Variants in LARGE1 observed in about 807,000 individuals in gnomAD.
The protein encoded by LARGE1 is LARGE xylosyl- and glucuronyltransferase 1, also known as xylosyl- and glucuronyltransferase LARGE1.
In LARGE1, 43 loss-of-function variants were observed where a neutral mutation model predicts 87.6. The ratio of observed to expected loss-of-function variants is 0.49; its 90% CI spans 0.38 to 0.63. The LOEUF (loss-of-function observed/expected upper bound fraction) is 0.63, where lower values mean the gene tolerates loss of function less well. Ranked by LOEUF, LARGE1 falls within the 30% of genes least tolerant of loss-of-function variation. The probability of loss-of-function intolerance (pLI) is 0.00; values close to 1 mark genes in which losing one functional copy is unlikely to be tolerated. For missense variants in LARGE1, 802 were observed against 1,000.2 expected (o/e 0.80, Z 2.67); for synonymous variants, 434 against 394.6 (o/e 1.10, Z -1.18).
chr22:33,800,003 C>G (rs537465203), intron 1 of LARGE1, among the ~76,000 whole-genome samples: 1 of 152,296 alleles, frequency 6.6e-6, no homozygotes, highest in African/African-American at 2.4e-5. Flanking sequence ...GTCCCACGCA[C>G]TTATGGCTTG....
At chr22:33,660,797 G>T (rs1415640875) in intron 2 of LARGE1, among the ~76,000 whole-genome samples, 1 of 152,116 alleles carries the variant, frequency 6.6e-6, no homozygotes, top group Admixed American at 6.5e-5. Context: ...AAATACTATA[G>T]AATTTCTTAA....
In LARGE1 at chr22:33,638,139, A is replaced by G. The variant is rs1443788408; in HGVS notation, c.409-11813T>C. On this transcript the variant is annotated intron_variant, in intron 3 of 14. Transcript: ENST00000397394. Reference sequence around the variant, plus strand: ...GCTATGATAGTATCCTCCAACAGCAATGTGGGATATGGAAAGATAGCTGGC... The same window carrying G: ...GCTATGATAGTATCCTCCAACAGCAGTGTGGGATATGGAAAGATAGCTGGC... Among the ~76,000 whole-genome samples, 4 of 152,338 alleles carry G rather than the reference A, an allele frequency of 2.6e-5. No individual in the cohort carries two copies. In the East Asian group the frequency reaches 7.7e-4, roughly 29 times the overall value.
intron 2 of LARGE1, among the ~76,000 whole-genome samples, chr22:33,695,962 C>T (rs1036195777): frequency 1.8e-4 from 27 of 152,272 alleles, no homozygotes; most frequent in African/African-American, 4.6e-4. Context: ...TCCCCAAACT[C>T]GATCTATTAG....
intron 11 of LARGE1, among the ~76,000 whole-genome samples, chr22:33,304,914 G>C (rs1934665409): frequency 6.6e-6 from 1 of 152,164 alleles, no homozygotes; most frequent in Admixed American, 6.5e-5. Context: ...CACAAACTTA[G>C]AGGCTGCTAA....
intron 3 of LARGE1, among the ~76,000 whole-genome samples, chr22:33,647,587 A>G (rs1027986777): frequency 6.6e-6 from 1 of 152,212 alleles, no homozygotes; most frequent in Non-Finnish European, 1.5e-5. Context: ...GATGGCCTCC[A>G]GACATCTTAA....
the LARGE1 span, among the ~76,000 whole-genome samples, chr22:33,089,371 C>CTTCTTCTTATCCTTCTT: frequency 1.3e-5 from 1 of 76,048 alleles, no homozygotes; most frequent in Non-Finnish European, 2.6e-5. Context: ...TTCTTCTTCT[C>CTTCTTCTTATCCTTCTT]CTTCTTCTTC....
At chr22:33,156,289 G>A in the LARGE1 span, among the ~76,000 whole-genome samples, 1 of 152,120 alleles carries the variant, frequency 6.6e-6, no homozygotes. Context: ...AAAAACCACA[G>A]ACACTCAACA....
chr22:33,075,220 G>A, the LARGE1 span, among the ~76,000 whole-genome samples: 1 of 152,128 alleles, frequency 6.6e-6, no homozygotes, highest in Admixed American at 6.6e-5. Flanking sequence ...TGGTAGGGAG[G>A]GAGATATGGT....
At position 33,274,591 on chromosome 22, in the gene LARGE1, T is replaced by G; in HGVS notation, c.2107A>C (p.Met703Leu). The G allele has an allele frequency of 6.2e-7, 1 of 1,614,080 alleles. No homozygotes were observed. Among genetic ancestry groups the G allele is most frequent in the Non-Finnish European group, 8.5e-7 (1 of 1,180,010 alleles). ...CTGGGGGCATGAGGCATGTGGATCA[T>G]GTAGGCGTTGGGCAGCACAATGAAC... ...YEFIVLPNAYMIHMPHAPSFD... is the reference protein window; with the variant it reads ...YEFIVLPNAYLIHMPHAPSFD... The change falls in exon 15 of 15, where the codon ATG (methionine) becomes CTG (leucine). Residue 703 changes from methionine (M) to leucine (L), a missense_variant. This residue lies in a region of LARGE1 where 625 missense variants were observed against 841.9 expected (regional missense o/e 0.74). Coordinates refer to ENST00000397394, the MANE Select transcript of LARGE1 (RefSeq NM_133642.5).
intron 2 of LARGE1, among the ~76,000 whole-genome samples, chr22:33,716,218 TATG>T (rs2082902800): frequency 6.6e-6 from 1 of 152,202 alleles, no homozygotes; most frequent in Non-Finnish European, 1.5e-5. Flanking sequence ...GATTTGAATT[TATG>T]ATAATAAATT....
At chr22:33,395,777 T>C (rs1433578346) in intron 7 of LARGE1, among the ~76,000 whole-genome samples, 1 of 152,140 alleles carries the variant, frequency 6.6e-6, no homozygotes, top group Non-Finnish European at 1.5e-5. Context: ...CTTCTCACAG[T>C]GTATGATGTA....
chr22:33,078,207 A>G, the LARGE1 span, among the ~76,000 whole-genome samples: 6 of 152,202 alleles, frequency 3.9e-5, no homozygotes, highest in Admixed American at 3.9e-4. Context: ...TACATTAACT[A>G]GAGTCCTGCA....
chr22:33,639,289 G>C (rs948446624), intron 3 of LARGE1, among the ~76,000 whole-genome samples: 2 of 152,116 alleles, frequency 1.3e-5, no homozygotes, highest in Non-Finnish European at 2.9e-5. Flanking sequence ...TACTGTTCCA[G>C]CTCCAGCCAC....
intron 2 of LARGE1, among the ~76,000 whole-genome samples, chr22:33,745,867 G>C (rs1351173010): frequency 6.6e-6 from 1 of 152,122 alleles, no homozygotes. Flanking sequence ...TTCACACATA[G>C]GGAGAGGACC....
chr22:33,193,029 TTTTA>T (rs1215912792), intron 11 of LARGE1, among the ~76,000 whole-genome samples: 2 of 152,164 alleles, frequency 1.3e-5, no homozygotes, highest in Non-Finnish European at 2.9e-5. Flanking sequence ...CTACTTTTCA[TTTTA>T]TTTGTTTTTA....
chr22:33,796,579 G>A (rs987584659), intron 1 of LARGE1, among the ~76,000 whole-genome samples: 14 of 152,058 alleles, frequency 9.2e-5, no homozygotes, highest in Non-Finnish European at 1.2e-4. Flanking sequence ...AAGGACATGG[G>A]TCAGAAACAT....
intron 7 of LARGE1, among the ~76,000 whole-genome samples, chr22:33,429,168 T>C (rs2066993318): frequency 6.6e-6 from 1 of 152,122 alleles, no homozygotes. Context: ...AGGGTCGTCC[T>C]CAGTTTCCAT....
At chr22:33,795,784 G>A (rs2085959615) in intron 1 of LARGE1, among the ~76,000 whole-genome samples, 1 of 152,014 alleles carries the variant, frequency 6.6e-6, no homozygotes, top group African/African-American at 2.4e-5. Context: ...TCACTCATAG[G>A]TGGGAATTGA....
the LARGE1 span, among the ~76,000 whole-genome samples, chr22:33,114,156 G>A: frequency 6.4e-4 from 98 of 152,122 alleles, 1 homozygote; most frequent in Non-Finnish European, 1.0e-3. Context: ...GATTACAGGC[G>A]TGAGCCACCG....
Sources: gnomAD v4.1 joint callset for allele counts (sites outside exome capture counted in the v4.1 genomes callset) on GRCh38, gnomAD v4.1.1 for gene constraint, gnomAD v4.1.1 regional missense constraint, MANE v1.5 for transcripts, NCBI Gene and HGNC (gene_info 2026-07-23, HGNC 2026-07-21) for gene names.